Variants in PDE10A observed in about 807,000 individuals in gnomAD.
PDE10A encodes the protein phosphodiesterase 10A.
Under a neutral mutation model 97.7 loss-of-function variants are expected in PDE10A, and 39 were observed. The observed-to-expected ratio is 0.40, with a 90% CI of 0.31 to 0.52. The LOEUF (loss-of-function observed/expected upper bound fraction) is 0.52, where lower values mean the gene tolerates loss of function less well. Among genes scored for constraint, PDE10A ranks in the 20% least tolerant of loss-of-function variants. The pLI is 0.56. For synonymous variants in PDE10A, 371 were observed against 376.8 expected (o/e 0.98, Z 0.18); for missense variants, 731 against 1,047.8 (o/e 0.70, Z 4.17).
At chr6:165,644,226 T>G (rs1789282118) in intron 1 of PDE10A, among the ~76,000 whole-genome samples, 1 of 152,086 alleles carries the variant, frequency 6.6e-6, no homozygotes, top group South Asian at 2.1e-4. Flanking sequence ...CCGCTAATTT[T>G]TTTTTGTATT....
intron 1 of PDE10A, among the ~76,000 whole-genome samples, chr6:165,823,524 A>ATATATATATATATATG (rs72442429): frequency 0.011 from 894 of 79,362 alleles, 155 homozygotes; most frequent in Non-Finnish European, 0.018. Flanking sequence ...ATATATATAT[A>ATATATATATATATATG]TGAACCTTAA....
chr6:165,395,126 G>T, intron 15 of PDE10A, 55 bp downstream of exon 15: 3 of 1,064,142 alleles, frequency 2.8e-6, no homozygotes, highest in South Asian at 2.6e-5. Flanking sequence ...TGTAGAAGGA[G>T]GAAGAGGTTA....
intron 2 of PDE10A, among the ~76,000 whole-genome samples, chr6:165,520,200 G>A (rs550816968): frequency 6.6e-6 from 1 of 152,226 alleles, no homozygotes; most frequent in East Asian, 1.9e-4. Flanking sequence ...AGTTCCTTTT[G>A]TTTCTCATGG....
chr6:165,382,051 T>C (rs1347224497), intron 17 of PDE10A, among the ~76,000 whole-genome samples: 2 of 152,122 alleles, frequency 1.3e-5, no homozygotes, highest in Admixed American at 6.5e-5. Flanking sequence ...CATGAAATAG[T>C]AGACTTTTTA....
At chr6:165,469,811 A>G (rs1056366581) in intron 3 of PDE10A, among the ~76,000 whole-genome samples, 1 of 152,180 alleles carries the variant, frequency 6.6e-6, no homozygotes, top group Admixed American at 6.5e-5. Flanking sequence ...GATGATCAAC[A>G]AGATAGGATA....
chr6:165,986,500 CCTCTCTCTCTCTGTCT>C lies in PDE10A; in HGVS notation c.-615+1013_-615+1028del, dbSNP rs1248530433. Reference sequence around the variant, plus strand: ...TAGGAGACTGTTTGCTGGTGTTGCGCCTCTCTCTCTCTGTCTCTCTCTCTCTCTCTCTCTCTCTCTC... The same window carrying C: ...TAGGAGACTGTTTGCTGGTGTTGCGCCTCTCTCTCTCTCTCTCTCTCTCTC... On this transcript the variant is annotated intron_variant, in intron 1 of 19. Coordinates refer to the PDE10A transcript ENST00000366882. 4.6e-5 allele frequency: 6 copies of C among 130,436 alleles called. No individual in the cohort carries two copies. The Admixed American group carries it at 4.9e-4, about 11-fold the overall frequency. The allele number at this position is 130,436 out of a possible 1,614,324, so 8.1% of individuals were successfully genotyped here.
chr6:165,366,583 C>T (rs1018199175), intron 18 of PDE10A, among the ~76,000 whole-genome samples: 14 of 152,116 alleles, frequency 9.2e-5, no homozygotes, highest in African/African-American at 3.4e-4. Flanking sequence ...GGGTGACATC[C>T]TTATTTACAC....
At position 165,800,747 on chromosome 6, in the gene PDE10A, C is replaced by A. The variant is rs189075068; in HGVS notation, c.-615+186782G>T. On this transcript the variant is annotated intron_variant, in intron 1 of 19. Coordinates refer to the PDE10A transcript ENST00000366882. ...CAAGGTACGACTACAACGCAGAGCCCATTTGGTGCCGCTAGAGCATGGAAA... is the reference window on the plus strand; with the variant it reads ...CAAGGTACGACTACAACGCAGAGCCAATTTGGTGCCGCTAGAGCATGGAAA... Among the ~76,000 whole-genome samples the A allele has an allele frequency of 3.9e-5, 6 of 152,314 alleles. No homozygotes were observed. The East Asian group carries it at 1.2e-3, about 29-fold the overall frequency.
At chr6:165,802,331 C>G (rs931081376) in intron 1 of PDE10A, among the ~76,000 whole-genome samples, 1 of 152,250 alleles carries the variant, frequency 6.6e-6, no homozygotes, top group Non-Finnish European at 1.5e-5. Flanking sequence ...CAACCCAAGG[C>G]TGCACGAATA....
chr6:165,470,065 C>G (rs1272814298), intron 3 of PDE10A, among the ~76,000 whole-genome samples: 1 of 152,150 alleles, frequency 6.6e-6, no homozygotes, highest in African/African-American at 2.4e-5. Context: ...CAAAGGAATA[C>G]CTGAGGCTAC....
chr6:165,428,426 A>G (rs1789319952), intron 10 of PDE10A, among the ~76,000 whole-genome samples: 1 of 152,162 alleles, frequency 6.6e-6, no homozygotes, highest in South Asian at 2.1e-4. Flanking sequence ...GTCTTTTCTA[A>G]GTATAGCTCT....
At chr6:165,616,022 T>C (rs1787711384) in intron 1 of PDE10A, among the ~76,000 whole-genome samples, 1 of 152,234 alleles carries the variant, frequency 6.6e-6, no homozygotes, top group Non-Finnish European at 1.5e-5. Context: ...TTCTTTCAGT[T>C]TTATGCCCAA....
chr6:165,661,763 C>T lies in PDE10A; in HGVS notation c.865+184G>A, dbSNP rs1205382841. 6.6e-6 allele frequency among the ~76,000 whole-genome samples: 1 copy of T among 152,104 alleles called. No individual in the cohort carries two copies. Among genetic ancestry groups the T allele is most frequent in the Non-Finnish European group, 1.5e-5 (1 of 68,008 alleles). The stretch of plus-strand genomic sequence containing the variant: ...ACCCCGGCGTCCCTGCGCGGCCGAA[C>T]GCTCCCGCGCTCCGCCAGGGGCACC... On this transcript the variant is annotated intron_variant, in intron 1 of 21. Coordinates refer to ENST00000539869, the MANE Select transcript of PDE10A (RefSeq NM_001385079.1). This position sits in a 1 kb window ranked among gnomAD's most constrained non-coding sequence, Gnocchi z 4.8.
chr6:165,837,216 T>A (rs1229599625), intron 1 of PDE10A, among the ~76,000 whole-genome samples: 1 of 151,594 alleles, frequency 6.6e-6, no homozygotes, highest in Admixed American at 6.6e-5. Flanking sequence ...AAAAGAGTAA[T>A]ACAAACTCCA....
chr6:165,945,755 C>T (rs1358517116), intron 1 of PDE10A, among the ~76,000 whole-genome samples: 3 of 152,146 alleles, frequency 2.0e-5, no homozygotes, highest in Admixed American at 6.5e-5. Flanking sequence ...CCTGACTAGC[C>T]TAAGACATTT....
chr6:165,499,656 T>C (rs1165122543), intron 2 of PDE10A, among the ~76,000 whole-genome samples: 1 of 152,232 alleles, frequency 6.6e-6, no homozygotes. Context: ...CAAAACTTTA[T>C]ACTTTTATAA....
At chr6:165,535,315 C>T (rs1298980799) in intron 2 of PDE10A, among the ~76,000 whole-genome samples, 1 of 151,628 alleles carries the variant, frequency 6.6e-6, no homozygotes, top group African/African-American at 2.4e-5. Flanking sequence ...TTAGTGTAGC[C>T]ATCGCCTAAA....
intron 1 of PDE10A, among the ~76,000 whole-genome samples, chr6:165,653,852 C>A (rs1034046550): frequency 1.3e-5 from 2 of 152,202 alleles, no homozygotes; most frequent in African/African-American, 4.8e-5. Context: ...AAGACCTGAT[C>A]CACCGTGCCA....
At chr6:165,949,883 A>T (rs1347609752) in intron 1 of PDE10A, 5 of 152,352 alleles carry the variant, frequency 3.3e-5, no homozygotes, top group Non-Finnish European at 7.3e-5. Context: ...AATTCTGGCT[A>T]TTTTTGTTGA....
Sources: gnomAD v4.1 joint callset for allele counts (sites outside exome capture counted in the v4.1 genomes callset) on GRCh38, gnomAD v4.1.1 for gene constraint, Gnocchi (gnomAD v3.1) non-coding constraint, MANE v1.5 for transcripts, NCBI Gene and HGNC (gene_info 2026-07-23, HGNC 2026-07-21) for gene names.